Variants in NLGN4Y observed in about 807,000 individuals in gnomAD.
NLGN4Y encodes neuroligin-4, Y-linked.
NLGN4Y carries 4 observed loss-of-function variants against 8.4 expected under a neutral mutation model. That is an observed-to-expected ratio of 0.48 (90% CI 0.23 to 1.09). NLGN4Y has a LOEUF of 1.09. NLGN4Y is among the 50% of genes least tolerant of loss of function. NLGN4Y has a pLI of 0.19. For synonymous variants in NLGN4Y, 35 were observed against 75.6 expected (o/e 0.46, Z 2.78); for missense variants, 90 against 192.3 (o/e 0.47, Z 3.15).
At chrY:14,614,014 C>A in intron 1 of NLGN4Y, among the ~76,000 whole-genome samples, 3 of 33,587 alleles carry the variant, frequency 8.9e-5, no homozygotes, top group Non-Finnish European at 2.2e-4. Flanking sequence ...AATCATCACA[C>A]TGTCTTCCAC....
At chrY:14,625,824 C>T in intron 2 of NLGN4Y, among the ~76,000 whole-genome samples, 1 of 33,307 alleles carries the variant, frequency 3.0e-5, no homozygotes, top group African/African-American at 1.2e-4. Context: ...TTAATGAGAA[C>T]CCTTGGTATT....
chrY:14,579,969 C>T (rs767214694), intron 1 of NLGN4Y, among the ~76,000 whole-genome samples: 2 of 29,465 alleles, frequency 6.8e-5, no homozygotes, highest in Admixed American at 6.6e-4. Context: ...AGTAGTTCGA[C>T]TTTTAAAAAT....
chrY:14,806,837 G>GAA (rs769844931), intron 4 of NLGN4Y, among the ~76,000 whole-genome samples: 1 of 27,844 alleles, frequency 3.6e-5, no homozygotes, highest in Non-Finnish European at 8.6e-5. Flanking sequence ...CCTGCTTAGA[G>GAA]AAAAAAAAAA....
At chrY:14,789,037 T>C in intron 4 of NLGN4Y, among the ~76,000 whole-genome samples, 1 of 31,108 alleles carries the variant, frequency 3.2e-5, no homozygotes, top group African/African-American at 1.3e-4. Flanking sequence ...TGACATGATC[T>C]CGGCCCAGTG....
intron 1 of NLGN4Y, among the ~76,000 whole-genome samples, chrY:14,562,742 T>A: frequency 3.0e-5 from 1 of 33,672 alleles, no homozygotes; most frequent in Non-Finnish European, 7.4e-5. Flanking sequence ...TTTATAGTTA[T>A]CTTTGAAGAG....
chrY:14,559,497 A>T, intron 1 of NLGN4Y, among the ~76,000 whole-genome samples: 2 of 33,254 alleles, frequency 6.0e-5, no homozygotes, highest in African/African-American at 2.3e-4. Context: ...CCTGGTATCT[A>T]TCATGTGATG....
At chrY:14,789,187 C>A in intron 4 of NLGN4Y, among the ~76,000 whole-genome samples, 4 of 31,252 alleles carry the variant, frequency 1.3e-4, no homozygotes, top group Admixed American at 1.2e-3. Flanking sequence ...TCAGGCTGAT[C>A]TCAAACTCCT....
At chrY:14,815,489 T>C (rs2150589505) in intron 4 of NLGN4Y, among the ~76,000 whole-genome samples, 1 of 33,216 alleles carries the variant, frequency 3.0e-5, no homozygotes, top group South Asian at 7.0e-4. Flanking sequence ...TGAATGGAGC[T>C]GTATGGGTGA....
chrY:14,573,183 C>A (rs2080280858), intron 1 of NLGN4Y, among the ~76,000 whole-genome samples: 1 of 33,424 alleles, frequency 3.0e-5, no homozygotes, highest in Admixed American at 2.7e-4. Context: ...AACAGGTCCT[C>A]CTTGTACCTG....
At chrY:14,696,760 A>G (rs2080828877) in intron 2 of NLGN4Y, among the ~76,000 whole-genome samples, 1 of 32,830 alleles carries the variant, frequency 3.0e-5, no homozygotes, top group African/African-American at 1.2e-4. Context: ...TTGAGAGATT[A>G]AGAGTTAATC....
chrY:14,635,146 T>G, intron 2 of NLGN4Y, among the ~76,000 whole-genome samples: 1 of 33,767 alleles, frequency 3.0e-5, no homozygotes, highest in Non-Finnish European at 7.3e-5. Context: ...TAACATCCTA[T>G]CTGCCTATCA....
At chrY:14,640,079 A>C in intron 2 of NLGN4Y, 1 of 119,236 alleles carries the variant, frequency 8.4e-6, no homozygotes. Flanking sequence ...CAAGCGAAGA[A>C]GATTTTATGA....
intron 1 of NLGN4Y, among the ~76,000 whole-genome samples, chrY:14,553,661 TTAA>T (rs2080202508): frequency 1.1e-3 from 34 of 29,749 alleles, no homozygotes; most frequent in African/African-American, 3.9e-3. Context: ...TTATATTATA[TTAA>T]TGTGTAAATA....
chrY:14,703,479 G>A, intron 2 of NLGN4Y, among the ~76,000 whole-genome samples: 4 of 33,005 alleles, frequency 1.2e-4, no homozygotes, highest in Non-Finnish European at 3.0e-4. Context: ...GTAGATATGC[G>A]GCATTATTTC....
At chrY:14,668,639 T>G (rs1047049988) in intron 2 of NLGN4Y, among the ~76,000 whole-genome samples, 2 of 32,904 alleles carry the variant, frequency 6.1e-5, no homozygotes, top group Admixed American at 2.8e-4. Context: ...TATCAATATA[T>G]ATCAATCATT....
chrY:14,538,568 C>T, intron 1 of NLGN4Y, among the ~76,000 whole-genome samples: 1 of 33,734 alleles, frequency 3.0e-5, no homozygotes, highest in East Asian at 7.7e-4. Flanking sequence ...CTGTTTCTAA[C>T]CTCCCTCCCA....
intron 4 of NLGN4Y, among the ~76,000 whole-genome samples, chrY:14,744,372 C>A (rs2081018088): frequency 6.0e-5 from 2 of 33,476 alleles, no homozygotes; most frequent in African/African-American, 1.2e-4. Flanking sequence ...GTCCTTATAC[C>A]AATGAATCAC....
intron 1 of NLGN4Y, among the ~76,000 whole-genome samples, chrY:14,563,887 C>A: frequency 3.1e-5 from 1 of 32,749 alleles, no homozygotes; most frequent in African/African-American, 1.2e-4. Flanking sequence ...TGGTGATATC[C>A]CCTATGTCAT....
At chrY:14,555,763 T>C in intron 1 of NLGN4Y, among the ~76,000 whole-genome samples, 1 of 33,704 alleles carries the variant, frequency 3.0e-5, no homozygotes. Flanking sequence ...AATGTGTTGC[T>C]ATTTGACAAA....
Sources: gnomAD v4.1 joint callset for allele counts (sites outside exome capture counted in the v4.1 genomes callset) on GRCh38, gnomAD v4.1.1 for gene constraint, MANE v1.5 for transcripts, NCBI Gene and HGNC (gene_info 2026-07-23, HGNC 2026-07-21) for gene names.